TPST1: variants seen among roughly 807,000 people sequenced by gnomAD.
TPST1 encodes protein-tyrosine sulfotransferase 1.
TPST1 carries 20 observed loss-of-function variants against 34.8 expected under a neutral mutation model. The ratio of observed to expected loss-of-function variants is 0.57; its 90% confidence interval spans 0.40 to 0.84. TPST1 has a LOEUF of 0.84. Among genes scored for constraint, TPST1 ranks in the 40% least tolerant of loss-of-function variants. The pLI is 0.00. For missense variants in TPST1, 353 were observed against 455.5 expected (o/e 0.78, Z 2.05); for synonymous variants, 152 against 159.4 (o/e 0.95, Z 0.35).
chr7:66,248,895 C>T (rs1790207508), intron 2 of TPST1, among the ~76,000 whole-genome samples: 1 of 152,090 alleles, frequency 6.6e-6, no homozygotes, highest in Non-Finnish European at 1.5e-5. Context: ...AAACTGGGTT[C>T]TTACAAACAC....
intron 1 of TPST1, among the ~76,000 whole-genome samples, chr7:66,232,967 C>T (rs1483732215): frequency 1.3e-5 from 2 of 152,156 alleles, no homozygotes; most frequent in Non-Finnish European, 2.9e-5. Flanking sequence ...TGATGTGGAG[C>T]ATCTTTTCTT....
rs565295850 is a variant in TPST1, at chr7:66,293,657, A to G, written c.1044+6948A>G. Among the ~76,000 whole-genome samples, 38 of 152,306 alleles carry G rather than the reference A, an allele frequency of 2.5e-4. No individual in the cohort carries two copies. In the South Asian group the frequency reaches 4.1e-3, roughly 17 times the overall value. On this transcript the variant is annotated intron_variant, in intron 3 of 5. Transcript: ENST00000304842. ...AATGATACTCACTGTTGGGAGATTT[A>G]TTCTCAGCCAATTACTGCAGATCTG...
chr7:66,232,733 C>T (rs543954913), intron 1 of TPST1, among the ~76,000 whole-genome samples: 29 of 152,294 alleles, frequency 1.9e-4, no homozygotes, highest in Non-Finnish European at 4.0e-4. Flanking sequence ...GTCTCACACT[C>T]CTGGGCTCAT....
intron 1 of TPST1, 148 bp from the exon 2 acceptor site, chr7:66,240,177 G>A (rs1364098000): frequency 2.3e-6 from 1 of 440,776 alleles, no homozygotes; most frequent in Non-Finnish European, 4.0e-6. Flanking sequence ...GTGAGCCACC[G>A]CGCCCGGTCT....
intron 1 of TPST1, among the ~76,000 whole-genome samples, chr7:66,237,320 A>G (rs1399091348): frequency 6.6e-6 from 1 of 152,094 alleles, no homozygotes; most frequent in Non-Finnish European, 1.5e-5. Flanking sequence ...CATTGTTCTT[A>G]CCCACCTTTT....
At chr7:66,323,476 G>A (rs1159330117) in intron 3 of TPST1, among the ~76,000 whole-genome samples, 2 of 151,952 alleles carry the variant, frequency 1.3e-5, no homozygotes, top group South Asian at 4.2e-4. Context: ...GAGATGATGT[G>A]TTTTTCTTTA....
At chr7:66,236,152 G>T (rs1008390154) in intron 1 of TPST1, among the ~76,000 whole-genome samples, 1 of 152,162 alleles carries the variant, frequency 6.6e-6, no homozygotes, top group Non-Finnish European at 1.5e-5. Context: ...TTCCCAGCTT[G>T]ACTTTTCCCT....
chr7:66,352,268 C>T (rs1346776553), intron 3 of TPST1, among the ~76,000 whole-genome samples: 1 of 152,214 alleles, frequency 6.6e-6, no homozygotes, highest in Non-Finnish European at 1.5e-5. Context: ...TGAGCCCTCT[C>T]CTAGCCAGCC....
intron 1 of TPST1, among the ~76,000 whole-genome samples, chr7:66,224,227 G>A (rs1789603162): frequency 6.6e-6 from 1 of 152,208 alleles, no homozygotes; most frequent in Admixed American, 6.5e-5. Context: ...GCATGGCAAA[G>A]CTGTCATTCA....
intron 1 of TPST1, among the ~76,000 whole-genome samples, chr7:66,210,961 C>T (rs1562796146): frequency 6.6e-6 from 1 of 151,846 alleles, no homozygotes; most frequent in African/African-American, 2.4e-5. Flanking sequence ...AGAGTGAGAC[C>T]GTCTGTCTGT....
At chr7:66,198,885 C>G in the TPST1 span, among the ~76,000 whole-genome samples, 66 of 152,178 alleles carry the variant, frequency 4.3e-4, no homozygotes, top group Non-Finnish European at 8.8e-4. Context: ...TGCCTTAAAT[C>G]CCTGTATCCC....
intron 2 of TPST1, among the ~76,000 whole-genome samples, chr7:66,244,762 G>T (rs1430061245): frequency 1.3e-5 from 2 of 152,130 alleles, no homozygotes; most frequent in Non-Finnish European, 2.9e-5. Context: ...GGTCAAAAGA[G>T]CAAATCCAGA....
chr7:66,330,961 G>A (rs966214246), intron 3 of TPST1, among the ~76,000 whole-genome samples: 1 of 152,196 alleles, frequency 6.6e-6, no homozygotes, highest in African/African-American at 2.4e-5. Flanking sequence ...TCCAGGCAAA[G>A]CTACCTAGAT....
chr7:66,328,543 G>GT (rs773347145), intron 3 of TPST1, among the ~76,000 whole-genome samples: 111 of 150,128 alleles, frequency 7.4e-4, no homozygotes, highest in African/African-American at 1.3e-3. Context: ...AAATGAAATA[G>GT]TTTTTTTTTG....
chr7:66,268,737 G>C (rs1289532286), intron 2 of TPST1, among the ~76,000 whole-genome samples: 1 of 151,232 alleles, frequency 6.6e-6, no homozygotes, highest in East Asian at 1.9e-4. Flanking sequence ...ATCTTACTCT[G>C]TTGCCCAGGC....
chr7:66,353,504 C>A (rs1480969686), intron 4 of TPST1, among the ~76,000 whole-genome samples: 1 of 152,090 alleles, frequency 6.6e-6, no homozygotes, highest in East Asian at 1.9e-4. Context: ...CAGAGTTTTC[C>A]CTGTAACGTC....
At chr7:66,200,890 G>T (rs931647990), upstream of TPST1, among the ~76,000 whole-genome samples, 1 of 151,912 alleles carries the variant, frequency 6.6e-6, no homozygotes, top group African/African-American at 2.4e-5. Context: ...ACCACACCTG[G>T]CTAATTTTTG....
intron 3 of TPST1, among the ~76,000 whole-genome samples, chr7:66,328,906 ATT>A (rs1172711561): frequency 9.9e-4 from 13 of 13,160 alleles, no homozygotes; most frequent in East Asian, 6.7e-3. Flanking sequence ...ATATATATAT[ATT>A]TTTTTTTTTT....
intron 3 of TPST1, among the ~76,000 whole-genome samples, chr7:66,330,262 CTCATAAAGG>C (rs1214343627): frequency 6.6e-6 from 1 of 152,054 alleles, no homozygotes; most frequent in Non-Finnish European, 1.5e-5. Context: ...CACCAGGGTC[CTCATAAAGG>C]AGAGGCAAGG....
Sources: allele counts gnomAD v4.1 joint callset (sites outside exome capture counted in the v4.1 genomes callset), GRCh38; gene constraint gnomAD v4.1.1; transcripts MANE v1.5; gene names NCBI Gene and HGNC (gene_info 2026-07-23, HGNC 2026-07-21).